Variants in PBLD observed in about 807,000 individuals in gnomAD.
PBLD encodes phenazine biosynthesis like protein domain containing.
Under a neutral mutation model 31.3 loss-of-function variants are expected in PBLD, and 26 were observed. The observed-to-expected ratio is 0.83, with a 90% CI of 0.61 to 1.15. The LOEUF is 1.15. Ranked by LOEUF, PBLD falls within the 50% of genes most tolerant of loss-of-function variation. The pLI, the probability that PBLD is intolerant of heterozygous loss-of-function variation, is 0.00. For missense variants in PBLD, 307 were observed against 351.7 expected (o/e 0.87, Z 1.02); for synonymous variants, 114 against 129.0 (o/e 0.88, Z 0.79).
chr10:68,296,360 G>A lies in PBLD; in HGVS notation c.189C>T (p.Ser63=). 6 of 1,611,640 alleles carry A rather than the reference G, an allele frequency of 3.7e-6. No homozygotes were observed. Among genetic ancestry groups the A allele is most frequent in the East Asian group, 2.2e-5 (1 of 44,866 alleles). The change falls in exon 4 of 10, where the codon TCC becomes TCT. Residue 63 remains serine, a synonymous_variant. Transcript: ENST00000358769. ...GTGTAAACCATCTCAGTCCAAAGCA[G>A]GAACCTGAGGATAGGAAAAGCCAAA... ...LHPTDNFAQS[S]CFGLRWFTPA...
Position 68,284,083 on chromosome 10 carries a change from A to G in PBLD, c.*94T>C. On this transcript the variant is annotated 3_prime_UTR_variant, in exon 10 of 10. Coordinates refer to ENST00000358769, the MANE Select transcript of PBLD (RefSeq NM_022129.4). ...TTTTAACATGAGGATTAAGTAGACT[A>G]CTACGCACATTTGCTAAAGGCAGCC... 1.7e-6 allele frequency: 2 copies of G among 1,164,896 alleles called. No homozygotes were observed. Among genetic ancestry groups the G allele is most frequent in the Non-Finnish European group, 2.5e-6 (2 of 799,470 alleles). The allele number at this position is 1,164,896 out of a possible 1,614,324, so 72.2% of individuals were successfully genotyped here.
chr10:68,329,997 G>A (rs2044989869), intron 1 of PBLD, among the ~76,000 whole-genome samples: 1 of 151,838 alleles, frequency 6.6e-6, no homozygotes, highest in Admixed American at 6.6e-5. Flanking sequence ...ATTTTTCAGG[G>A]TTGTAAGAGT....
At chr10:68,296,388 G>C (rs779708725) in intron 3 of PBLD, 24 bp from the exon 4 acceptor site, 4 of 1,534,186 alleles carry the variant, frequency 2.6e-6, no homozygotes, top group Non-Finnish European at 3.6e-6. Context: ...AAGCCAAAGA[G>C]AGATGAGATC....
At chr10:68,330,614 G>C (rs1171966097) in intron 1 of PBLD, among the ~76,000 whole-genome samples, 2 of 151,580 alleles carry the variant, frequency 1.3e-5, no homozygotes, top group South Asian at 4.2e-4. Context: ...GGCGCGATCT[G>C]GGCTCAATGC....
At chr10:68,307,631 G>C (rs3998864) in intron 1 of PBLD, among the ~76,000 whole-genome samples, 149,263 of 152,086 alleles carry the variant, frequency 0.98, 73,315 homozygotes, top group Middle Eastern at 1. Flanking sequence ...TCCCGAGTAG[G>C]TGGGACTACA....
At chr10:68,307,806 C>T (rs1225007497) in intron 1 of PBLD, among the ~76,000 whole-genome samples, 4 of 151,980 alleles carry the variant, frequency 2.6e-5, no homozygotes, top group Non-Finnish European at 5.9e-5. Context: ...GCCGCTTAAG[C>T]TCTGCTTTTA....
intron 1 of PBLD, among the ~76,000 whole-genome samples, chr10:68,319,052 AG>A (rs2044781222): frequency 9.2e-6 from 1 of 108,760 alleles, no homozygotes; most frequent in African/African-American, 4.3e-5. Context: ...AAAGAAAGAG[AG>A]AGAAAGAAAG....
chr10:68,321,666 C>A (rs1224362944), intron 1 of PBLD, among the ~76,000 whole-genome samples: 2 of 152,172 alleles, frequency 1.3e-5, no homozygotes, highest in African/African-American at 4.8e-5. Context: ...GGGAAAAGAC[C>A]AGGTGAGGCT....
chr10:68,300,089 C>G (rs2044485685), intron 2 of PBLD, among the ~76,000 whole-genome samples: 1 of 151,888 alleles, frequency 6.6e-6, no homozygotes, highest in Non-Finnish European at 1.5e-5. Context: ...TGGAGTTTCA[C>G]CATGTTGCCT....
chr10:68,295,140 A>G (rs1051918632), intron 4 of PBLD, among the ~76,000 whole-genome samples: 1 of 151,902 alleles, frequency 6.6e-6, no homozygotes, highest in Non-Finnish European at 1.5e-5. Flanking sequence ...AGGTGCTGCA[A>G]CTCCTTTTAA....
Position 68,306,732 on chromosome 10 carries a change from G to T in PBLD, c.84+29C>A, listed in dbSNP as rs918400794. ...GTTTCTACAGGAATCTAGAATTTCA[G>T]GTACTGTAATTCAAAACCAAGCACT... On this transcript the variant is annotated intron_variant, in intron 2 of 9. Coordinates refer to ENST00000358769, the MANE Select transcript of PBLD (RefSeq NM_022129.4). 4.4e-6 allele frequency: 7 copies of T among 1,574,082 alleles called. No homozygotes were observed. In the Middle Eastern group the frequency reaches 5.0e-4, roughly 112 times the overall value.
At chr10:68,331,608 G>A (rs2045095445) in intron 1 of PBLD, 3 of 152,196 alleles carry the variant, frequency 2.0e-5, no homozygotes, top group African/African-American at 7.2e-5. Context: ...AAACATGGTG[G>A]ACCAGAAAAT....
At chr10:68,325,597 C>T (rs1393017939) in intron 1 of PBLD, among the ~76,000 whole-genome samples, 1 of 152,146 alleles carries the variant, frequency 6.6e-6, no homozygotes, top group African/African-American at 2.4e-5. Context: ...AAAAGCACTA[C>T]ATTGATCATC....
chr10:68,314,597 T>C (rs1420451478), intron 1 of PBLD, among the ~76,000 whole-genome samples: 1 of 151,406 alleles, frequency 6.6e-6, no homozygotes, highest in African/African-American at 2.4e-5. Flanking sequence ...ACAAGGTTTG[T>C]CTTTTTTTTT....
At chr10:68,305,670 A>G (rs1013201451) in intron 2 of PBLD, among the ~76,000 whole-genome samples, 1 of 152,076 alleles carries the variant, frequency 6.6e-6, no homozygotes, top group Non-Finnish European at 1.5e-5. Flanking sequence ...CAAGAGAATC[A>G]CTTGAACCCG....
At chr10:68,288,864 C>A in intron 7 of PBLD, 67 bp downstream of exon 7, 1 of 1,460,770 alleles carries the variant, frequency 6.8e-7, no homozygotes, top group South Asian at 1.2e-5. Flanking sequence ...CACAGCCAGA[C>A]TAAGGAAGAG....
intron 1 of PBLD, among the ~76,000 whole-genome samples, chr10:68,316,123 T>C (rs1227183266): frequency 6.6e-6 from 1 of 152,024 alleles, no homozygotes; most frequent in African/African-American, 2.4e-5. Context: ...TAAAGAGTAG[T>C]TAATAAAAAC....
intron 2 of PBLD, among the ~76,000 whole-genome samples, chr10:68,305,169 G>C (rs1299727795): frequency 6.6e-6 from 1 of 151,700 alleles, no homozygotes; most frequent in Non-Finnish European, 1.5e-5. Context: ...AGACCAGCCT[G>C]CTCAATTTAG....
chr10:68,317,633 CA>C (rs951602798), intron 1 of PBLD, among the ~76,000 whole-genome samples: 2 of 150,794 alleles, frequency 1.3e-5, no homozygotes, highest in African/African-American at 2.4e-5. Context: ...CTGTCTCTAC[CA>C]AAAAAAATTA....
Sources: allele counts gnomAD v4.1 joint callset (sites outside exome capture counted in the v4.1 genomes callset), GRCh38; gene constraint gnomAD v4.1.1; transcripts MANE v1.5; gene names NCBI Gene and HGNC (gene_info 2026-07-23, HGNC 2026-07-21).